Variants in SENP8 observed in about 807,000 individuals in gnomAD.
The protein encoded by SENP8 is sentrin-specific protease 8.
SENP8 carries 10 observed loss-of-function variants against 14.4 expected under a neutral mutation model. The observed-to-expected ratio is 0.69, with a 90% CI of 0.43 to 1.18. The LOEUF is 1.18. Among genes scored for constraint, SENP8 ranks in the 50% most tolerant of loss-of-function variants. The pLI is 0.00. For missense variants in SENP8, 202 were observed against 249.4 expected (o/e 0.81, Z 1.28); for synonymous variants, 94 against 95.5 (o/e 0.98, Z 0.09).
At chr15:72,139,383 G>A (rs2081358148) in intron 1 of SENP8, 194 bp from the exon 2 acceptor site, 5 of 478,774 alleles carry the variant, frequency 1.0e-5, no homozygotes, top group Non-Finnish European at 1.8e-5. Context: ...GGAGGAAAAG[G>A]AGCAATTGGT....
chr15:72,140,284 T>C lies in SENP8; in HGVS notation c.*22T>C. On this transcript the variant is annotated 3_prime_UTR_variant, in exon 2 of 2. Coordinates refer to ENST00000340912, the MANE Select transcript of SENP8 (RefSeq NM_145204.4). ...GTAGCTATTGAAGTATATTTGCGAC[T>C]TTTGAAGGCTCCTCTTTCTGCCCTT... 6.5e-7 allele frequency: 1 copy of C among 1,549,782 alleles called. No individual in the cohort carries two copies.
intron 1 of SENP8, among the ~76,000 whole-genome samples, chr15:72,129,466 G>A (rs967956785): frequency 2.6e-5 from 4 of 151,228 alleles, no homozygotes; most frequent in Non-Finnish European, 4.4e-5. Context: ...GGGTTCAAGC[G>A]ATTCTCCTGC....
Position 72,139,759 on chromosome 15 carries a change from G to GACTGCTCTGATCACGTCAGTTTCATC in SENP8, c.138_163dup (p.Ser55ThrfsTer43), listed in dbSNP as rs766306086. ...GTACTTTGCCAACAGTCAGTTTCAT[G>GACTGCTCTGATCACGTCAGTTTCATC]ACTGCTCTGATCACGTCAGTTTCAT... On this transcript the variant is annotated frameshift_variant, in exon 2 of 2. Coordinates refer to ENST00000340912, the MANE Select transcript of SENP8 (RefSeq NM_145204.4). LOFTEE classifies it high-confidence loss of function. 6.2e-7 allele frequency: 1 copy of GACTGCTCTGATCACGTCAGTTTCATC among 1,614,038 alleles called. No individual in the cohort carries two copies. Among genetic ancestry groups the GACTGCTCTGATCACGTCAGTTTCATC allele is most frequent in the Non-Finnish European group, 8.5e-7 (1 of 1,180,040 alleles).
At chr15:72,138,590 TC>T (rs1309436749) in intron 1 of SENP8, among the ~76,000 whole-genome samples, 8 of 151,464 alleles carry the variant, frequency 5.3e-5, no homozygotes, top group African/African-American at 1.9e-4. Flanking sequence ...CCTCAAGTGA[TC>T]TGCCCACCTT....
chr15:72,139,570 C>T lies in SENP8; in HGVS notation c.-47-7C>T. 6.4e-7 allele frequency: 1 copy of T among 1,564,702 alleles called. No homozygotes were observed. Among genetic ancestry groups the T allele is most frequent in the Non-Finnish European group, 8.7e-7 (1 of 1,155,688 alleles). On this transcript the variant is annotated splice_region_variant and splice_polypyrimidine_tract_variant and intron_variant, in intron 1 of 1. Transcript: ENST00000340912. ...AGGTATTTATTGACAATAATATTGT[C>T]TTCTAGCTCTTGTTCAGCTTCTGGA... is the stretch of plus-strand genomic sequence containing the variant.
Position 72,141,866 on chromosome 15 carries a change from T to G in SENP8, c.*1604T>G, listed in dbSNP as rs1596662962. The G allele has an allele frequency of 6.6e-6, 1 of 152,084 alleles. No homozygotes were observed. Among genetic ancestry groups the G allele is most frequent in the African/African-American group, 2.4e-5 (1 of 41,384 alleles). 9.4% of individuals were successfully genotyped at this position (152,084 alleles called of 1,614,324 possible). A position where few individuals can be genotyped will look rare whatever the true frequency, so the allele number is the denominator to read the frequency against. On this transcript the variant is annotated 3_prime_UTR_variant, in exon 2 of 2. Coordinates refer to ENST00000340912, the MANE Select transcript of SENP8 (RefSeq NM_145204.4). ...GGGACAGCAAGAGAAGTGACAAAGG[T>G]CACTGATGATAGGCCACAAGTGTAG... is the stretch of plus-strand genomic sequence containing the variant.
Position 72,140,378 on chromosome 15 carries a change from TC to T in SENP8, c.*117del. ...TGCCTAGTAGAGGAAAGCTTAATAC[TC>T]TTTTTCCTGAAAGAATATCATCCTC... On this transcript the variant is annotated 3_prime_UTR_variant, in exon 2 of 2. Transcript: ENST00000340912. The T allele has an allele frequency of 1.4e-6, 1 of 716,718 alleles. No homozygotes were observed. The highest frequency in any genetic ancestry group is 1.9e-5 in the South Asian group (1 of 53,800). 44.4% of individuals were successfully genotyped at this position (716,718 alleles called of 1,614,324 possible).
intron 1 of SENP8, among the ~76,000 whole-genome samples, chr15:72,127,110 G>T (rs891990898): frequency 3.9e-5 from 6 of 152,270 alleles, no homozygotes; most frequent in African/African-American, 1.4e-4. Context: ...TTGAGTACCT[G>T]CCTGGTAAGC....
upstream of SENP8, among the ~76,000 whole-genome samples, chr15:72,116,667 TAAG>T (rs1474037392): frequency 6.6e-6 from 1 of 152,136 alleles, no homozygotes; most frequent in Non-Finnish European, 1.5e-5. Flanking sequence ...AAAATAAAAA[TAAG>T]AAACAGTTCT....
chr15:72,124,307 C>T (rs2081193716), intron 1 of SENP8, among the ~76,000 whole-genome samples: 1 of 152,148 alleles, frequency 6.6e-6, no homozygotes, highest in African/African-American at 2.4e-5. Flanking sequence ...AAAATCTAAT[C>T]TGTGTACTCA....
At chr15:72,117,835 C>T (rs1184903938), upstream of SENP8, 1 of 398,560 alleles carries the variant, frequency 2.5e-6, no homozygotes, top group Non-Finnish European at 4.4e-6. Context: ...GCCTCAGGGT[C>T]CGGGCGAGCG....
At position 72,139,798 on chromosome 15, in the gene SENP8, A is replaced by G; in HGVS notation, c.175A>G (p.Thr59Ala). The change falls in exon 2 of 2, where the codon ACC (threonine) becomes GCC (alanine). Residue 59 changes from threonine to alanine, a missense_variant. Thr to Ala is a moderately conservative substitution (Grantham distance 58). Transcript: ENST00000340912. ...DHVSFISPEVTQFIKCTSNPA... is the reference protein window; with the variant it reads ...DHVSFISPEVAQFIKCTSNPA... ...CGTCAGTTTCATCAGCCCTGAAGTC[A>G]CCCAGTTCATCAAGTGCACTAGCAA... The G allele has an allele frequency of 6.2e-7, 1 of 1,614,178 alleles. No individual in the cohort carries two copies. The highest frequency in any genetic ancestry group is 8.5e-7 in the Non-Finnish European group (1 of 1,180,022).
chr15:72,133,032 AT>A (rs1385930372), intron 1 of SENP8, among the ~76,000 whole-genome samples: 2 of 152,046 alleles, frequency 1.3e-5, no homozygotes, highest in Non-Finnish European at 2.9e-5. Flanking sequence ...TTAGCCAGGC[AT>A]GGTGCCAGGC....
chr15:72,135,759 A>G lies in SENP8; in HGVS notation c.-47-3818A>G, dbSNP rs141053873. 3.1e-3 allele frequency among the ~76,000 whole-genome samples: 465 copies of G among 152,322 alleles called. 5 individuals are homozygous for G. The highest frequency in any genetic ancestry group is 0.011 in the African/African-American group (454 of 41,580). ...ATCAAACAGACAAAACACAAAAACTATTTCTGAAGAAAATCTTAGCCCAGC... is the reference window on the plus strand; with the variant it reads ...ATCAAACAGACAAAACACAAAAACTGTTTCTGAAGAAAATCTTAGCCCAGC... On this transcript the variant is annotated intron_variant, in intron 1 of 1. Coordinates refer to ENST00000340912, the MANE Select transcript of SENP8 (RefSeq NM_145204.4).
rs989982863 is a variant in SENP8, at chr15:72,141,915, T to C, written c.*1653T>C. 5.9e-5 allele frequency: 9 copies of C among 152,272 alleles called. No individual in the cohort carries two copies. Among genetic ancestry groups the C allele is most frequent in the Admixed American group, 5.2e-4 (8 of 15,296 alleles). The allele number at this position is 152,272 out of a possible 1,614,324, so 9.4% of individuals were successfully genotyped here. A position where few individuals can be genotyped will look rare whatever the true frequency, so the allele number is the denominator to read the frequency against. Reference sequence around the variant, plus strand: ...AGATAAAGATAAGAAAACAATGTTATTTCAGTGACTGTTGACTTAGGCAGC... The same window carrying C: ...AGATAAAGATAAGAAAACAATGTTACTTCAGTGACTGTTGACTTAGGCAGC... On this transcript the variant is annotated 3_prime_UTR_variant, in exon 2 of 2. Transcript: ENST00000340912.
chr15:72,121,557 T>C (rs1213071468), intron 1 of SENP8, among the ~76,000 whole-genome samples: 1 of 104,428 alleles, frequency 9.6e-6, no homozygotes, highest in Non-Finnish European at 2.0e-5. Flanking sequence ...AGTGAGACCG[T>C]GTCTCTCCAA....
upstream of SENP8, among the ~76,000 whole-genome samples, chr15:72,117,363 CGTAGTCTA>C (rs1267444222): frequency 3.3e-5 from 5 of 152,086 alleles, no homozygotes; most frequent in African/African-American, 1.2e-4. Flanking sequence ...GAGGATGTAA[CGTAGTCTA>C]GAAGCTCCAT....
upstream of SENP8, among the ~76,000 whole-genome samples, chr15:72,116,676 G>A (rs191778180): frequency 1.3e-5 from 2 of 152,304 alleles, no homozygotes; most frequent in Admixed American, 1.3e-4. Flanking sequence ...ATAAGAAACA[G>A]TTCTAGTATC....
intron 1 of SENP8, among the ~76,000 whole-genome samples, chr15:72,123,117 C>T (rs1267598350): frequency 2.6e-5 from 4 of 152,118 alleles, no homozygotes; most frequent in African/African-American, 9.7e-5. Flanking sequence ...TACCTCTTAA[C>T]TATCTATGAA....
Sources: gnomAD v4.1 joint callset for allele counts (sites outside exome capture counted in the v4.1 genomes callset) on GRCh38, gnomAD v4.1.1 for gene constraint, MANE v1.5 for transcripts, NCBI Gene and HGNC (gene_info 2026-07-23, HGNC 2026-07-21) for gene names.